DLG4: variants seen among roughly 807,000 people sequenced by gnomAD.
The protein encoded by DLG4 is disks large homolog 4.
DLG4 carries 7 observed loss-of-function variants against 93.8 expected under a neutral mutation model. The observed-to-expected ratio is 0.07, with a 90% CI of 0.04 to 0.14. The LOEUF is 0.14. Ranked by LOEUF, DLG4 falls within the 10% of genes least tolerant of loss-of-function variation. The pLI is 1.00. For synonymous variants in DLG4, 341 were observed against 387.6 expected (o/e 0.88, Z 1.41); for missense variants, 545 against 992.9 (o/e 0.55, Z 6.06).
chr17:7,217,797 C>T (rs1039451713), upstream of DLG4: 12 of 1,535,010 alleles, frequency 7.8e-6, no homozygotes, highest in Non-Finnish European at 9.6e-6. Flanking sequence ...CAGCCACCAG[C>T]GATGACAGCA....
At position 7,196,711 on chromosome 17, in the gene DLG4, C is replaced by T. The variant is rs973604067; in HGVS notation, c.1083+46G>A. ...CCCTCCCCAAGAGCTCTGCGCTCTG[C>T]CCTGTGGGGAGGGGGTGGTGCAGGT... On this transcript the variant is annotated intron_variant, in intron 9 of 19. Transcript: ENST00000399506. The surrounding 1 kb of genome is among the most constrained non-coding windows in gnomAD (Gnocchi z 8.3). The T allele has an allele frequency of 4.4e-6, 7 of 1,582,056 alleles. No individual in the cohort carries two copies. The highest frequency in any genetic ancestry group is 5.2e-6 in the Non-Finnish European group (6 of 1,164,106).
rs572981250 is a variant in DLG4, at chr17:7,191,200, G to A, written c.2068+67C>T. ...TTCTAAGCCATCCACTGGGGGTGGCGGGGGAGCTCTTTCTAATCCGAGCAA... is the reference window on the plus strand; with the variant it reads ...TTCTAAGCCATCCACTGGGGGTGGCAGGGGAGCTCTTTCTAATCCGAGCAA... On this transcript the variant is annotated intron_variant, in intron 19 of 19. Transcript: ENST00000399506. This position sits in a 1 kb window ranked among gnomAD's most constrained non-coding sequence, Gnocchi z 6.6. 7.9e-5 allele frequency: 117 copies of A among 1,488,142 alleles called. No individual in the cohort carries two copies. Among genetic ancestry groups the A allele is most frequent in the African/African-American group, 5.5e-4 (40 of 72,510 alleles). 92.2% of individuals were successfully genotyped at this position (1,488,142 alleles called of 1,614,324 possible).
chr17:7,190,917 C>T, intron 19 of DLG4, 103 bp from the exon 20 acceptor site: 1 of 875,138 alleles, frequency 1.1e-6, no homozygotes, highest in African/African-American at 1.7e-5. Flanking sequence ...CTTTCCAACT[C>T]TCCAAGCCAT....
Position 7,191,779 on chromosome 17 carries a change from C to T in DLG4, c.1976+114G>A, listed in dbSNP as rs1334986424. On this transcript the variant is annotated intron_variant, in intron 18 of 19. Transcript: ENST00000399506. This position sits in a 1 kb window ranked among gnomAD's most constrained non-coding sequence, Gnocchi z 6.6. Reference sequence around the variant, plus strand: ...GGGTTCCAGGGATCCCCCTCAGGGGCTGCTGAAACCGCTGTCCAGGGTTCT... The same window carrying T: ...GGGTTCCAGGGATCCCCCTCAGGGGTTGCTGAAACCGCTGTCCAGGGTTCT... 9 of 736,558 alleles carry T rather than the reference C, an allele frequency of 1.2e-5. No individual in the cohort carries two copies. The Admixed American group carries it at 1.4e-4, about 12-fold the overall frequency. The allele number at this position is 736,558 out of a possible 1,614,324, so 45.6% of individuals were successfully genotyped here.
At chr17:7,217,678 G>T (rs1255781760), upstream of DLG4, 4 of 1,482,258 alleles carry the variant, frequency 2.7e-6, no homozygotes, top group Non-Finnish European at 3.6e-6. Flanking sequence ...AGAATGGGGG[G>T]GGTGCCTTGG....
At position 7,187,595 on chromosome 17, in the gene DLG4, A is replaced by C. The variant is rs2069330079; in HGVS notation, c.*3113T>G. ...ATAATAATACATGCAAAATTATGTG[A>C]TTCTACCCCATCCAGGTCAAATATG... is the stretch of plus-strand genomic sequence containing the variant. On this transcript the variant is annotated 3_prime_UTR_variant, in exon 20 of 20. Coordinates refer to ENST00000399506, the MANE Select transcript of DLG4 (RefSeq NM_001321075.3). Among the ~76,000 whole-genome samples, 1 of 151,422 alleles carries C rather than the reference A, an allele frequency of 6.6e-6. No individual in the cohort carries two copies. The highest frequency in any genetic ancestry group is 1.5e-5 in the Non-Finnish European group (1 of 67,932).
chr17:7,217,162 C>A lies in DLG4; in HGVS notation c.-15G>T. 7.8e-7 allele frequency: 1 copy of A among 1,287,778 alleles called. No individual in the cohort carries two copies. Among genetic ancestry groups the A allele is most frequent in the Middle Eastern group, 2.5e-4 (1 of 4,016 alleles). 79.8% of individuals were successfully genotyped at this position (1,287,778 alleles called of 1,614,324 possible). On this transcript the variant is annotated 5_prime_UTR_variant, in exon 1 of 20. Transcript: ENST00000399506. ...AGACAGTCCATGTTGGGGGGCCTGGCCGCGGCGGCGGGTAAGGGGCTCTGA... is the reference window on the plus strand; with the variant it reads ...AGACAGTCCATGTTGGGGGGCCTGGACGCGGCGGCGGGTAAGGGGCTCTGA...
chr17:7,219,921 T>TGGGCGTGCAGGACTC, upstream of DLG4: 1 of 1,555,336 alleles, frequency 6.4e-7, no homozygotes. Flanking sequence ...CGCCAGGACG[T>TGGGCGTGCAGGACTC]GGGCGTGCAG....
chr17:7,201,026 AT>A (rs899688375), intron 8 of DLG4, among the ~76,000 whole-genome samples: 2 of 149,882 alleles, frequency 1.3e-5, no homozygotes, highest in Middle Eastern at 3.2e-3. Flanking sequence ...CACCCAGCTA[AT>A]TTTTTTTTGT....
At chr17:7,216,718 C>A (rs973728964) in intron 1 of DLG4, among the ~76,000 whole-genome samples, 5 of 152,000 alleles carry the variant, frequency 3.3e-5, no homozygotes, top group African/African-American at 1.2e-4. Context: ...TGGACAAGGC[C>A]CTTGGAAGCC....
chr17:7,197,406 T>C (rs533910265), intron 8 of DLG4, among the ~76,000 whole-genome samples: 3 of 152,220 alleles, frequency 2.0e-5, no homozygotes, highest in South Asian at 2.1e-4. Flanking sequence ...CTCCCTCTTT[T>C]TTCCCCCCAC....
At chr17:7,205,181 A>G (rs1447525058) in intron 2 of DLG4, 1 of 985,124 alleles carries the variant, frequency 1.0e-6, no homozygotes, top group Non-Finnish European at 1.2e-6. Flanking sequence ...AAAGGACGTC[A>G]GGAACTGGGA....
chr17:7,204,963 G>A (rs951298363), intron 2 of DLG4: 6 of 985,562 alleles, frequency 6.1e-6, no homozygotes, highest in East Asian at 1.1e-4. Context: ...AGGCCCTGTC[G>A]TCAGGACAAC....
chr17:7,192,735 G>C lies in DLG4; in HGVS notation c.1866+210C>G, dbSNP rs144483724. On this transcript the variant is annotated intron_variant, in intron 17 of 19. Transcript: ENST00000399506. Reference sequence around the variant, plus strand: ...AGGCCAGATGGTGGTGGGGAATTTGGGGTCAGGAAGTGAGGGAGGTGGGAG... The same window carrying C: ...AGGCCAGATGGTGGTGGGGAATTTGCGGTCAGGAAGTGAGGGAGGTGGGAG... Among the ~76,000 whole-genome samples the C allele has an allele frequency of 1.8e-3, 276 of 151,982 alleles. 1 individual carries two copies. The highest frequency in any genetic ancestry group is 6.3e-3 in the African/African-American group (261 of 41,432).
chr17:7,204,178 C>A, intron 3 of DLG4, 21 bp downstream of exon 3: 1 of 1,606,576 alleles, frequency 6.2e-7, no homozygotes, highest in Middle Eastern at 1.7e-4. Context: ...TGGCCCCAGC[C>A]CCAAAATCTA....
Position 7,196,446 on chromosome 17 carries a change from C to A in DLG4, c.1186+27G>T. 1 of 1,613,190 alleles carries A rather than the reference C, an allele frequency of 6.2e-7. No individual in the cohort carries two copies. Among genetic ancestry groups the A allele is most frequent in the Non-Finnish European group, 8.5e-7 (1 of 1,179,146 alleles). On this transcript the variant is annotated intron_variant, in intron 10 of 19. Transcript: ENST00000399506. The surrounding 1 kb of genome is among the most constrained non-coding windows in gnomAD (Gnocchi z 8.3). ...GAGTTCTAAGGGCCATTTCAGCTCA[C>A]AAGACAAGGAACTTCCGGCCTGGTA...
upstream of DLG4, chr17:7,219,884 C>G: frequency 6.5e-7 from 1 of 1,543,204 alleles, no homozygotes; most frequent in Non-Finnish European, 8.7e-7. Context: ...GCCCGGTGCA[C>G]TGTGGACGAT....
Position 7,209,732 on chromosome 17 carries a change from C to G in DLG4, c.31-1493G>C, listed in dbSNP as rs754709334. Among the ~76,000 whole-genome samples the G allele has an allele frequency of 2.4e-4, 36 of 151,910 alleles. No homozygotes were observed. In the Middle Eastern group the frequency reaches 0.024, roughly 101 times the overall value. ...CTGCAGTGAGCCATGATCACGCCACCGCACTCCAGCCTGGGCAACAGAGTA... is the reference window on the plus strand; with the variant it reads ...CTGCAGTGAGCCATGATCACGCCACGGCACTCCAGCCTGGGCAACAGAGTA... On this transcript the variant is annotated intron_variant, in intron 1 of 19. Transcript: ENST00000399506.
Position 7,204,181 on chromosome 17 carries a change from A to C in DLG4, c.150+18T>G, listed in dbSNP as rs755315671. 12 of 1,606,816 alleles carry C rather than the reference A, an allele frequency of 7.5e-6. 1 individual carries two copies. The South Asian group carries it at 1.2e-4, about 16-fold the overall frequency. ...TTCCTTCTGCAATGGCCCCAGCCCC[A>C]AAATCTAAACAACTCACATATCCTG... is the stretch of plus-strand genomic sequence containing the variant. On this transcript the variant is annotated intron_variant, in intron 3 of 19. Transcript: ENST00000399506.
Sources: gnomAD v4.1 joint callset for allele counts (sites outside exome capture counted in the v4.1 genomes callset) on GRCh38, gnomAD v4.1.1 for gene constraint, Gnocchi (gnomAD v3.1) non-coding constraint, MANE v1.5 for transcripts, NCBI Gene and HGNC (gene_info 2026-07-23, HGNC 2026-07-21) for gene names.